ADGRV1: variants seen among roughly 807,000 people sequenced by gnomAD.
The protein encoded by ADGRV1 is G-protein coupled receptor 98.
Under a neutral mutation model 596.2 loss-of-function variants are expected in ADGRV1, and 359 were observed. That is an observed-to-expected ratio of 0.60 (90% CI 0.55 to 0.66). The LOEUF is 0.66. Ranked by LOEUF, ADGRV1 falls within the 30% of genes least tolerant of loss-of-function variation. The pLI, the probability that ADGRV1 is intolerant of heterozygous loss-of-function variation, is 0.00. For synonymous variants in ADGRV1, 2,681 were observed against 2,679.2 expected, an observed-to-expected ratio of 1.00 and a Z score of -0.02; for missense variants, 7,274 against 7,575.6, an observed-to-expected ratio of 0.96 and a Z score of 1.48.
chr5:90,977,654 T>C (rs1385732591), intron 84 of ADGRV1, among the ~76,000 whole-genome samples: 1 of 152,206 alleles, frequency 6.6e-6, no homozygotes, highest in African/African-American at 2.4e-5. Context: ...AGATATGTCT[T>C]CAATTTTTCT....
chr5:90,936,417 TG>T (rs1775693646), intron 83 of ADGRV1, among the ~76,000 whole-genome samples: 1 of 152,156 alleles, frequency 6.6e-6, no homozygotes, highest in African/African-American at 2.4e-5. Context: ...TGACATCAAT[TG>T]AATCTATAAA....
chr5:91,077,663 T>C (rs769109058), intron 86 of ADGRV1, among the ~76,000 whole-genome samples: 28 of 152,274 alleles, frequency 1.8e-4, no homozygotes, highest in Non-Finnish European at 3.8e-4. Context: ...ATGAACCAAA[T>C]TGTTGAAGGT....
intron 82 of ADGRV1, among the ~76,000 whole-genome samples, chr5:90,858,572 T>C (rs1481521027): frequency 1.3e-5 from 2 of 152,050 alleles, no homozygotes; most frequent in Non-Finnish European, 2.9e-5. Context: ...GGTCTCAAAC[T>C]CCTGGACTCA....
intron 67 of ADGRV1, among the ~76,000 whole-genome samples, chr5:90,787,654 G>A (rs1426885462): frequency 2.8e-5 from 4 of 144,294 alleles, no homozygotes; most frequent in Non-Finnish European, 4.5e-5. Flanking sequence ...GTGCAGTGGC[G>A]TGATCTTGGC....
At chr5:91,043,470 G>A (rs780459117) in intron 85 of ADGRV1, among the ~76,000 whole-genome samples, 2 of 152,110 alleles carry the variant, frequency 1.3e-5, no homozygotes, top group Non-Finnish European at 2.9e-5. Flanking sequence ...CAGAGAAGCA[G>A]TGTGCACAGT....
At chr5:90,836,557 G>A (rs577874009) in intron 77 of ADGRV1, among the ~76,000 whole-genome samples, 2 of 152,242 alleles carry the variant, frequency 1.3e-5, no homozygotes, top group South Asian at 4.1e-4. Context: ...ATTGGTGGTT[G>A]CCAGAGATTA....
chr5:90,845,080 G>A (rs1288093169), intron 78 of ADGRV1, among the ~76,000 whole-genome samples: 1 of 152,100 alleles, frequency 6.6e-6, no homozygotes, highest in Non-Finnish European at 1.5e-5. Context: ...TGACTGACTT[G>A]TCTGTGAACT....
chr5:91,162,616 G>A (rs1797050239), intron 89 of ADGRV1, among the ~76,000 whole-genome samples: 1 of 152,156 alleles, frequency 6.6e-6, no homozygotes, highest in Non-Finnish European at 1.5e-5. Context: ...GCAGATCAGA[G>A]GATAAGATGG....
At chr5:90,788,034 C>A in intron 67 of ADGRV1, 37 bp from the exon 68 acceptor site, 1 of 1,522,804 alleles carries the variant, frequency 6.6e-7, no homozygotes, top group South Asian at 1.4e-5. Context: ...AAATTGATCT[C>A]TATTAAAGAA....
chr5:90,976,337 T>C (rs950502993), intron 84 of ADGRV1, among the ~76,000 whole-genome samples: 41 of 145,714 alleles, frequency 2.8e-4, no homozygotes, highest in African/African-American at 9.8e-4. Flanking sequence ...TATATATATA[T>C]ATATATATAT....
At chr5:90,770,190 G>A (rs1220537857) in intron 59 of ADGRV1, among the ~76,000 whole-genome samples, 1 of 152,186 alleles carries the variant, frequency 6.6e-6, no homozygotes, top group African/African-American at 2.4e-5. Flanking sequence ...AGGAGCAAAG[G>A]CATGTCTTAC....
chr5:91,051,695 C>G (rs975960091), intron 85 of ADGRV1, among the ~76,000 whole-genome samples: 2 of 151,678 alleles, frequency 1.3e-5, no homozygotes, highest in Admixed American at 6.6e-5. Context: ...CACAGGTGCC[C>G]GCCACCATGC....
intron 17 of ADGRV1, among the ~76,000 whole-genome samples, chr5:90,648,411 T>G (rs986233544): frequency 2.6e-5 from 4 of 152,208 alleles, no homozygotes; most frequent in Non-Finnish European, 5.9e-5. Flanking sequence ...AGTTTTTTTT[T>G]CCTTGAACCT....
At chr5:90,871,320 T>C (rs1335250252) in intron 83 of ADGRV1, among the ~76,000 whole-genome samples, 2 of 152,224 alleles carry the variant, frequency 1.3e-5, no homozygotes, top group African/African-American at 4.8e-5. Flanking sequence ...ACATTTTCCT[T>C]TATGTATCAA....
At position 91,153,298 on chromosome 5, in the gene ADGRV1, T is replaced by C. The variant is rs1419245338; in HGVS notation, c.18702T>C (p.Asn6234=). Residue 6234 remains asparagine (N), a synonymous_variant, in exon 89 of 90, where the codon AAT becomes AAC. Coordinates refer to ENST00000405460, the MANE Select transcript of ADGRV1 (RefSeq NM_032119.4). ...ASPDLKPSPQ[N]GATFPSSGGY... ...CTGATTTAAAGCCAAGTCCACAAAA[T>C]GGAGCCACGTTCCCGTCCTCTGGAG... is the stretch of plus-strand genomic sequence containing the variant. 5.6e-6 allele frequency: 9 copies of C among 1,611,220 alleles called. No homozygotes were observed. The African/African-American group carries it at 6.7e-5, about 12-fold the overall frequency.
Position 90,753,669 on chromosome 5 carries a change from CA to C in ADGRV1, c.11218del (p.Thr3740ProfsTer26). 6.2e-7 allele frequency: 1 copy of C among 1,613,606 alleles called. No homozygotes were observed. Among genetic ancestry groups the C allele is most frequent in the Non-Finnish European group, 8.5e-7 (1 of 1,179,642 alleles). On this transcript the variant is annotated frameshift_variant, in exon 54 of 90. Coordinates refer to ENST00000405460, the MANE Select transcript of ADGRV1 (RefSeq NM_032119.4). LOFTEE classifies it high-confidence loss of function. ...ELSEVVIVTLTRITTEGVEDS... is the reference protein window; with the variant it reads ...ELSEVVIVTLXRITTEGVEDS... ...TATCAGAGGTTGTGATTGTAACCCT[CA>C]CCCGTATCACCACAGAAGGGGTTGA...
chr5:91,007,669 G>A (rs1029793158), intron 85 of ADGRV1, among the ~76,000 whole-genome samples: 7 of 152,170 alleles, frequency 4.6e-5, no homozygotes, highest in Non-Finnish European at 7.3e-5. Context: ...GAACAGAGCC[G>A]TATCGCAAGT....
At chr5:90,837,223 A>C (rs1022459195) in intron 77 of ADGRV1, among the ~76,000 whole-genome samples, 1 of 152,218 alleles carries the variant, frequency 6.6e-6, no homozygotes, top group African/African-American at 2.4e-5. Flanking sequence ...ACCTATAGCT[A>C]AAAACAAATT....
intron 86 of ADGRV1, among the ~76,000 whole-genome samples, chr5:91,073,990 G>A (rs1451853953): frequency 5.3e-5 from 8 of 152,114 alleles, no homozygotes; most frequent in Middle Eastern, 3.2e-3. Context: ...GAGCCACCAC[G>A]CCCAGCCGAG....
Sources: gnomAD v4.1 joint callset for allele counts (sites outside exome capture counted in the v4.1 genomes callset) on GRCh38, gnomAD v4.1.1 for gene constraint, MANE v1.5 for transcripts, NCBI Gene and HGNC (gene_info 2026-07-23, HGNC 2026-07-21) for gene names.